The following PSMB9 variants were observed in gnomAD, a reference collection of about 807,000 sequenced individuals.
PSMB9 encodes the protein proteasome 20S subunit beta 9, also known as proteasome subunit beta type-9.
In PSMB9, 16 loss-of-function variants were observed where a neutral mutation model predicts 26.9. The observed-to-expected ratio is 0.59, with a 90% CI of 0.40 to 0.90. The LOEUF is 0.90. Ranked by LOEUF, PSMB9 falls within the 40% of genes least tolerant of loss-of-function variation. PSMB9 has a pLI of 0.00. For missense variants in PSMB9, 253 were observed against 292.2 expected, an observed-to-expected ratio of 0.87 and a Z score of 0.98; for synonymous variants, 91 against 112.0, an observed-to-expected ratio of 0.81 and a Z score of 1.18.
At chr6:32,855,017 T>G (rs1379437862) in intron 1 of PSMB9, among the ~76,000 whole-genome samples, 1 of 152,206 alleles carries the variant, frequency 6.6e-6, no homozygotes, top group East Asian at 1.9e-4. Flanking sequence ...GCGGCTTTGT[T>G]AGAGAGGAAT....
At chr6:32,857,931 C>T (rs1392704892) in intron 3 of PSMB9, 74 bp from the exon 4 acceptor site, 13 of 1,575,612 alleles carry the variant, frequency 8.3e-6, no homozygotes, top group African/African-American at 1.4e-5. Flanking sequence ...GGTCGTTTAG[C>T]AGGGATGATG....
rs1771149899 is a variant in PSMB9 at position 32,856,138 on chromosome 6, A to C, written c.61A>C (p.Thr21Pro). Residue 21 changes from threonine to proline, a missense_variant and splice_region_variant, in exon 2 of 6, where the codon ACC becomes CCC. By Grantham distance (38) the Thr-to-Pro change is conservative (BLOSUM62 -1). Transcript: ENST00000374859. ...CATTCCATATTCTGTGTCTCTGCAGACCACCATCATGGCAGTGGAGTTTGA... is the reference window on the plus strand; with the variant it reads ...CATTCCATATTCTGTGTCTCTGCAGCCCACCATCATGGCAGTGGAGTTTGA... ...LPRAGEVHTG[T>P]TIMAVEFDGG... The C allele has an allele frequency of 6.2e-7, 1 of 1,612,556 alleles. No individual in the cohort carries two copies. The highest frequency in any genetic ancestry group is 8.5e-7 in the Non-Finnish European group (1 of 1,179,680).
In PSMB9 at chr6:32,858,407, C is replaced by T; in HGVS notation, c.434C>T (p.Ala145Val). ...LGGMLTRQPF[A>V]IGGSGSTFIY... ...GGAATGCTGACTCGACAGCCTTTTG[C>T]CATTGGTGGCTCCGGCAGCACCTTT... Residue 145 changes from alanine to valine, a missense_variant, in exon 5 of 6, where the codon GCC (alanine) becomes GTC (valine). Coordinates refer to ENST00000374859, the MANE Select transcript of PSMB9 (RefSeq NM_002800.5). The surrounding 1 kb of genome is among the most constrained non-coding windows in gnomAD (Gnocchi z 5.2). The T allele has an allele frequency of 1.2e-6, 2 of 1,612,948 alleles. No individual in the cohort carries two copies. Among genetic ancestry groups the T allele is most frequent in the Non-Finnish European group, 1.7e-6 (2 of 1,180,010 alleles).
Position 32,858,958 on chromosome 6 carries a change from G to A in PSMB9, c.533-447G>A. On this transcript the variant is annotated intron_variant, in intron 5 of 5. Coordinates refer to ENST00000374859, the MANE Select transcript of PSMB9 (RefSeq NM_002800.5). This position sits in a 1 kb window ranked among gnomAD's most constrained non-coding sequence, Gnocchi z 5.2. ...TCCCAGCTACTCAGGAGGCTGAGGTGGAAAGATCATCTGAGCCGGGGAGAT... is the reference window on the plus strand; with the variant it reads ...TCCCAGCTACTCAGGAGGCTGAGGTAGAAAGATCATCTGAGCCGGGGAGAT... The A allele has an allele frequency of 3.9e-6, 1 of 253,690 alleles. No individual in the cohort carries two copies. Among genetic ancestry groups the A allele is most frequent in the Non-Finnish European group, 7.7e-6 (1 of 129,678 alleles). 15.7% of individuals were successfully genotyped at this position (253,690 alleles called of 1,614,324 possible).
In PSMB9 at chr6:32,856,390, T is replaced by A. The variant is rs1771161880; in HGVS notation, c.128+185T>A. On this transcript the variant is annotated intron_variant, in intron 2 of 5. Transcript: ENST00000374859. The stretch of plus-strand genomic sequence containing the variant: ...GGGTCTCTGAATTTGTGGAGGAGGA[T>A]CTGGGGTCTGAATGTGTATGTGACC... The A allele has an allele frequency of 4.9e-6, 3 of 618,138 alleles. No homozygotes were observed. The Admixed American group carries it at 8.6e-5, about 18-fold the overall frequency. 38.3% of individuals were successfully genotyped at this position (618,138 alleles called of 1,614,324 possible). A position where few individuals can be genotyped will look rare whatever the true frequency, so the allele number is the denominator to read the frequency against.
Position 32,856,264 on chromosome 6 carries a change from T to C in PSMB9, c.128+59T>C, listed in dbSNP as rs568707869. The C allele has an allele frequency of 5.9e-6, 9 of 1,513,834 alleles. No individual in the cohort carries two copies. In the African/African-American group the frequency reaches 1.2e-4, roughly 21 times the overall value. The allele number at this position is 1,513,834 out of a possible 1,614,324, so 93.8% of individuals were successfully genotyped here. A position where few individuals can be genotyped will look rare whatever the true frequency, so the allele number is the denominator to read the frequency against. On this transcript the variant is annotated intron_variant, in intron 2 of 5. Transcript: ENST00000374859. Reference sequence around the variant, plus strand: ...GAAGCTAATGGCCTCAAATACACACTTTCCTTACCCATTCATGAAAAGACT... The same window carrying C: ...GAAGCTAATGGCCTCAAATACACACCTTCCTTACCCATTCATGAAAAGACT...
chr6:32,855,952 G>A (rs950588320), intron 1 of PSMB9, 186 bp from the exon 2 acceptor site: 11 of 582,716 alleles, frequency 1.9e-5, no homozygotes, highest in Non-Finnish European at 3.0e-5. Context: ...CCCTGCAGCC[G>A]GATGAAGCAA....
rs1771359765 is a variant in PSMB9 at position 32,859,575 on chromosome 6, TA to T, written c.*44del. 4 of 1,596,852 alleles carry T rather than the reference TA, an allele frequency of 2.5e-6. No homozygotes were observed. The highest frequency in any genetic ancestry group is 3.4e-6 in the Non-Finnish European group (4 of 1,169,898). On this transcript the variant is annotated 3_prime_UTR_variant, in exon 6 of 6. Transcript: ENST00000374859. ...CTTTCTTATTTTGTAATAAACTCTCTAGGGCCAAAACCTGGTATGGTCATTG... is the reference window on the plus strand; with the variant it reads ...CTTTCTTATTTTGTAATAAACTCTCTGGGCCAAAACCTGGTATGGTCATTG...
At position 32,858,324 on chromosome 6, in the gene PSMB9, A is replaced by G. The variant is rs577621190; in HGVS notation, c.391-40A>G. 6.2e-7 allele frequency: 1 copy of G among 1,612,442 alleles called. No individual in the cohort carries two copies. Among genetic ancestry groups the G allele is most frequent in the African/African-American group, 1.3e-5 (1 of 75,018 alleles). On this transcript the variant is annotated intron_variant, in intron 4 of 5. Transcript: ENST00000374859. This position sits in a 1 kb window ranked among gnomAD's most constrained non-coding sequence, Gnocchi z 5.2. ...CCACTTAATGTCTCAGTGGGAAGGAAGGGCTTGATGATTCTTTAACCTGAG... is the reference window on the plus strand; with the variant it reads ...CCACTTAATGTCTCAGTGGGAAGGAGGGGCTTGATGATTCTTTAACCTGAG...
rs536716927 is a variant in PSMB9, at chr6:32,854,384, C to A, written c.60+95C>A. ...GCGCGCGGAGAAGTGAATGCAGAGA[C>A]CAACGGGAGCGCAGGGAGGTCGCCT... On this transcript the variant is annotated intron_variant, in intron 1 of 5. Coordinates refer to ENST00000374859, the MANE Select transcript of PSMB9 (RefSeq NM_002800.5). This position sits in a 1 kb window ranked among gnomAD's most constrained non-coding sequence, Gnocchi z 4.6. 2.2e-5 allele frequency: 27 copies of A among 1,220,296 alleles called. No individual in the cohort carries two copies. The highest frequency in any genetic ancestry group is 2.9e-5 in the Non-Finnish European group (26 of 905,588). The allele number at this position is 1,220,296 out of a possible 1,614,324, so 75.6% of individuals were successfully genotyped here.
rs9469285 is a variant in PSMB9 at position 32,854,922 on chromosome 6, G to A, written c.60+633G>A. Among the ~76,000 whole-genome samples the A allele has an allele frequency of 7.1e-4, 108 of 152,340 alleles. No individual in the cohort carries two copies. The highest frequency in any genetic ancestry group is 2.5e-3 in the African/African-American group (106 of 41,576). Reference sequence around the variant, plus strand: ...GTGCCCACTGGGGGGACTTTGCTTAGGATGGGCGCCTGGGGCAGATGGCAG... The same window carrying A: ...GTGCCCACTGGGGGGACTTTGCTTAAGATGGGCGCCTGGGGCAGATGGCAG... On this transcript the variant is annotated intron_variant, in intron 1 of 5. Coordinates refer to ENST00000374859, the MANE Select transcript of PSMB9 (RefSeq NM_002800.5). The surrounding 1 kb of genome is among the most constrained non-coding windows in gnomAD (Gnocchi z 4.6).
chr6:32,857,576 C>T (rs1007860983), intron 3 of PSMB9, 182 bp downstream of exon 3: 1 of 655,614 alleles, frequency 1.5e-6, no homozygotes. Flanking sequence ...TATAGTACCT[C>T]ATGAGACGGT....
chr6:32,858,797 G>C lies in PSMB9; in HGVS notation c.532+292G>C. The C allele has an allele frequency of 2.0e-6, 1 of 489,366 alleles. No individual in the cohort carries two copies. The highest frequency in any genetic ancestry group is 3.7e-6 in the Non-Finnish European group (1 of 269,834). 30.3% of individuals were successfully genotyped at this position (489,366 alleles called of 1,614,324 possible). On this transcript the variant is annotated intron_variant, in intron 5 of 5. Transcript: ENST00000374859. The surrounding 1 kb of genome is among the most constrained non-coding windows in gnomAD (Gnocchi z 5.2). ...CACCTGTAATGCCAACAATTTGGGA[G>C]GCTGAGGCAGGAGGATTACTTGAGC...
Position 32,858,499 on chromosome 6 carries a change from A to G in PSMB9, c.526A>G (p.Thr176Ala). 3 of 1,612,974 alleles carry G rather than the reference A, an allele frequency of 1.9e-6. No homozygotes were observed. Among genetic ancestry groups the G allele is most frequent in the Non-Finnish European group, 2.5e-6 (3 of 1,180,022 alleles). ...MSPEECRRFTTDAIALAMSRD... is the reference protein window; with the variant it reads ...MSPEECRRFTADAIALAMSRD... Reference sequence around the variant, plus strand: ...TCCCGAGGAGTGCAGGCGCTTCACCACAGACGGTAACCAGCCAAGTGGAAG... The same window carrying G: ...TCCCGAGGAGTGCAGGCGCTTCACCGCAGACGGTAACCAGCCAAGTGGAAG... The change falls in exon 5 of 6, where the codon ACA becomes GCA. Residue 176 changes from threonine to alanine, a missense_variant. Transcript: ENST00000374859. This position sits in a 1 kb window ranked among gnomAD's most constrained non-coding sequence, Gnocchi z 5.2.
At position 32,858,898 on chromosome 6, in the gene PSMB9, A is replaced by C. The variant is rs1202758021; in HGVS notation, c.532+393A>C. 9.2e-6 allele frequency: 3 copies of C among 327,156 alleles called. No individual in the cohort carries two copies. The East Asian group carries it at 2.3e-4, about 25-fold the overall frequency. 20.3% of individuals were successfully genotyped at this position (327,156 alleles called of 1,614,324 possible). ...AAAAACAATAAAAAAAAGTAAAAAA[A>C]AAAATGAACTGGGCATAGTGGTGCA... On this transcript the variant is annotated intron_variant, in intron 5 of 5. Transcript: ENST00000374859. The surrounding 1 kb of genome is among the most constrained non-coding windows in gnomAD (Gnocchi z 5.2).
intron 1 of PSMB9, among the ~76,000 whole-genome samples, chr6:32,855,606 C>T (rs1771121522): frequency 6.6e-6 from 1 of 152,128 alleles, no homozygotes; most frequent in Non-Finnish European, 1.5e-5. Context: ...ATGCTAACCA[C>T]TGCCCTCCTC....
At position 32,859,423 on chromosome 6, in the gene PSMB9, G is replaced by T. The variant is rs1272937203; in HGVS notation, c.551G>T (p.Ser184Ile). 1 of 1,612,480 alleles carries T rather than the reference G, an allele frequency of 6.2e-7. No individual in the cohort carries two copies. The highest frequency in any genetic ancestry group is 8.5e-7 in the Non-Finnish European group (1 of 1,179,500). ...FTTDAIALAM[S>I]RDGSSGGVIY... The stretch of plus-strand genomic sequence containing the variant: ...TCTGCAGCTATTGCTCTGGCCATGA[G>T]CCGGGATGGCTCAAGCGGGGGTGTC... Residue 184 changes from serine (S) to isoleucine (I), a missense_variant, in exon 6 of 6, where the codon AGC becomes ATC. By Grantham distance (142) the Ser-to-Ile change is moderately radical. Coordinates refer to ENST00000374859, the MANE Select transcript of PSMB9 (RefSeq NM_002800.5).
In PSMB9 at chr6:32,858,093, C is replaced by T. The variant is rs771405794; in HGVS notation, c.349C>T (p.His117Tyr). ...SYKYREDLSAHLMVAGWDQRE... is the reference protein window; with the variant it reads ...SYKYREDLSAYLMVAGWDQRE... ...TAAATATCGAGAGGACTTGTCTGCA[C>T]ATCTCATGGTAGCTGGCTGGGACCA... Residue 117 changes from histidine to tyrosine, a missense_variant, in exon 4 of 6, where the codon CAT becomes TAT. His to Tyr is a moderately conservative substitution (Grantham distance 83). Coordinates refer to ENST00000374859, the MANE Select transcript of PSMB9 (RefSeq NM_002800.5). The surrounding 1 kb of genome is among the most constrained non-coding windows in gnomAD (Gnocchi z 5.2). 1.2e-6 allele frequency: 2 copies of T among 1,613,000 alleles called. No homozygotes were observed. Among genetic ancestry groups the T allele is most frequent in the Admixed American group, 1.7e-5 (1 of 60,004 alleles).
rs36202979 is a variant in PSMB9, at chr6:32,854,309, G to C, written c.60+20G>C. 1.5e-4 allele frequency: 221 copies of C among 1,470,220 alleles called. No individual in the cohort carries two copies. In the African/African-American group the frequency reaches 2.6e-3, roughly 17 times the overall value. The allele number at this position is 1,470,220 out of a possible 1,614,324, so 91.1% of individuals were successfully genotyped here. A position where few individuals can be genotyped will look rare whatever the true frequency, so the allele number is the denominator to read the frequency against. On this transcript the variant is annotated intron_variant, in intron 1 of 5. Coordinates refer to ENST00000374859, the MANE Select transcript of PSMB9 (RefSeq NM_002800.5). This position sits in a 1 kb window ranked among gnomAD's most constrained non-coding sequence, Gnocchi z 4.6. Reference sequence around the variant, plus strand: ...ACCGGGGTAATGGGTCTGGGCTTGAGGGTTGGCAGAGGGGTGGAGGAGATG... The same window carrying C: ...ACCGGGGTAATGGGTCTGGGCTTGACGGTTGGCAGAGGGGTGGAGGAGATG...
Sources: gnomAD v4.1 joint callset for allele counts (sites outside exome capture counted in the v4.1 genomes callset) on GRCh38, gnomAD v4.1.1 for gene constraint, Gnocchi (gnomAD v3.1) non-coding constraint, MANE v1.5 for transcripts, NCBI Gene and HGNC (gene_info 2026-07-23, HGNC 2026-07-21) for gene names.